Variants in MMP16 observed in about 807,000 individuals in gnomAD.
MMP16 encodes the protein matrix metalloproteinase-16.
MMP16 carries 12 observed loss-of-function variants against 67.8 expected under a neutral mutation model. The observed-to-expected ratio is 0.18, with a 90% CI of 0.11 to 0.29. MMP16 has a LOEUF of 0.29. MMP16 is among the 10% of genes least tolerant of loss of function. The probability of loss-of-function intolerance (pLI) is 1.00; values close to 1 mark genes in which losing one functional copy is unlikely to be tolerated. For synonymous variants in MMP16, 249 were observed against 255.9 expected (o/e 0.97, Z 0.26); for missense variants, 475 against 765.7 (o/e 0.62, Z 4.48).
At chr8:88,298,789 T>C (rs1408426611) in intron 1 of MMP16, among the ~76,000 whole-genome samples, 2 of 152,194 alleles carry the variant, frequency 1.3e-5, no homozygotes, top group East Asian at 3.8e-4. Context: ...ATGTGAATTA[T>C]CTATATTGCT....
At chr8:88,223,707 G>T (rs1809723163) in intron 1 of MMP16, among the ~76,000 whole-genome samples, 1 of 97,734 alleles carries the variant, frequency 1.0e-5, no homozygotes, top group African/African-American at 4.1e-5. Context: ...GGGGGGAGGG[G>T]GGAGGGATAG....
chr8:88,066,840 T>C (rs1808469510), intron 7 of MMP16, among the ~76,000 whole-genome samples: 1 of 152,004 alleles, frequency 6.6e-6, no homozygotes. Context: ...CAAAATGTGA[T>C]ACAAAGAGAA....
intron 6 of MMP16, among the ~76,000 whole-genome samples, chr8:88,082,156 C>T (rs1285078184): frequency 1.3e-5 from 2 of 151,970 alleles, no homozygotes; most frequent in Non-Finnish European, 1.5e-5. Context: ...CAAACGCACA[C>T]GCACACACAG....
At chr8:88,201,589 T>C (rs1423769111) in intron 1 of MMP16, among the ~76,000 whole-genome samples, 1 of 152,158 alleles carries the variant, frequency 6.6e-6, no homozygotes, top group Admixed American at 6.6e-5. Context: ...AATTTTAACA[T>C]ACTAACAAAA....
At chr8:88,187,883 A>G (rs1809099490) in intron 2 of MMP16, among the ~76,000 whole-genome samples, 1 of 152,230 alleles carries the variant, frequency 6.6e-6, no homozygotes, top group South Asian at 2.1e-4. Flanking sequence ...GTTACTTCAG[A>G]AAATAATTCT....
At chr8:88,176,444 A>G (rs373035152) in intron 3 of MMP16, among the ~76,000 whole-genome samples, 28 of 152,320 alleles carry the variant, frequency 1.8e-4, no homozygotes, top group African/African-American at 6.3e-4. Flanking sequence ...ATTAGGGTAC[A>G]CTGCCAACAG....
intron 7 of MMP16, among the ~76,000 whole-genome samples, chr8:88,074,317 G>A (rs1808608983): frequency 6.6e-6 from 1 of 152,064 alleles, no homozygotes; most frequent in Non-Finnish European, 1.5e-5. Flanking sequence ...CAAACCTTTA[G>A]TCAGTGCAGA....
At chr8:88,134,604 A>G (rs1429182076) in intron 4 of MMP16, among the ~76,000 whole-genome samples, 4 of 150,452 alleles carry the variant, frequency 2.7e-5, no homozygotes, top group Admixed American at 6.6e-5. Flanking sequence ...CCATGTATCT[A>G]TCTCCTCTCT....
chr8:88,131,756 G>A (rs1808034715), intron 4 of MMP16, among the ~76,000 whole-genome samples: 1 of 151,748 alleles, frequency 6.6e-6, no homozygotes, highest in Admixed American at 6.6e-5. Flanking sequence ...ATTCTTAATA[G>A]TTCCCCTAAC....
intron 6 of MMP16, among the ~76,000 whole-genome samples, chr8:88,093,791 A>G (rs2118353831): frequency 6.6e-6 from 1 of 151,990 alleles, no homozygotes; most frequent in Non-Finnish European, 1.5e-5. Context: ...CTGTTTCAGG[A>G]GTGTCTGGGT....
chr8:88,238,892 A>C (rs956277010), intron 1 of MMP16, among the ~76,000 whole-genome samples: 8 of 152,140 alleles, frequency 5.3e-5, no homozygotes, highest in Non-Finnish European at 1.0e-4. Flanking sequence ...TGGGAGGCCA[A>C]GGTGGGTGGA....
In MMP16 at chr8:88,195,927, C is replaced by T. The variant is rs149806003; in HGVS notation, c.281+1231G>A. ...GATAAAATAGAAAAATTATGACTAA[C>T]ATCATGTTGCAAACTTAGATGGCAA... On this transcript the variant is annotated intron_variant, in intron 2 of 9. Transcript: ENST00000286614. 5.5e-3 allele frequency among the ~76,000 whole-genome samples: 830 copies of T among 152,198 alleles called. 4 individuals are homozygous for T. The highest frequency in any genetic ancestry group is 0.019 in the African/African-American group (780 of 41,546).
intron 2 of MMP16, among the ~76,000 whole-genome samples, chr8:88,190,460 C>T (rs1809152919): frequency 1.3e-5 from 2 of 152,228 alleles, no homozygotes; most frequent in African/African-American, 2.4e-5. Context: ...AAAGAATGCT[C>T]AGTGTTTAAC....
intron 1 of MMP16, among the ~76,000 whole-genome samples, chr8:88,268,405 T>C (rs1479393709): frequency 6.6e-6 from 1 of 152,120 alleles, no homozygotes; most frequent in Admixed American, 6.6e-5. Flanking sequence ...CATTCGTCTA[T>C]TCAACAAAAT....
intron 4 of MMP16, among the ~76,000 whole-genome samples, chr8:88,127,950 G>A (rs1295378772): frequency 6.6e-6 from 1 of 151,788 alleles, no homozygotes; most frequent in Non-Finnish European, 1.5e-5. Context: ...ATACGAAGCT[G>A]TTATACATAA....
intron 1 of MMP16, among the ~76,000 whole-genome samples, chr8:88,320,949 A>G (rs1039863332): frequency 2.0e-5 from 3 of 152,182 alleles, no homozygotes; most frequent in Admixed American, 2.0e-4. Flanking sequence ...AGAGTGCTAA[A>G]TGACAGGAAA....
chr8:88,048,602 A>G (rs1379625612), intron 8 of MMP16, among the ~76,000 whole-genome samples: 1 of 152,206 alleles, frequency 6.6e-6, no homozygotes, highest in African/African-American at 2.4e-5. Flanking sequence ...AGGACAATGA[A>G]TGATAGGTAG....
chr8:88,256,158 C>G (rs1038874190), intron 1 of MMP16, among the ~76,000 whole-genome samples: 2 of 152,096 alleles, frequency 1.3e-5, no homozygotes, highest in Admixed American at 1.3e-4. Context: ...TAAATACATT[C>G]TAAGCCAAGT....
At chr8:88,318,753 T>C (rs1344559855) in intron 1 of MMP16, among the ~76,000 whole-genome samples, 1 of 152,228 alleles carries the variant, frequency 6.6e-6, no homozygotes, top group Non-Finnish European at 1.5e-5. Context: ...AATGCGTTTA[T>C]ATATGAAACA....
Sources: gnomAD v4.1 joint callset for allele counts (sites outside exome capture counted in the v4.1 genomes callset) on GRCh38, gnomAD v4.1.1 for gene constraint, MANE v1.5 for transcripts, NCBI Gene and HGNC (gene_info 2026-07-23, HGNC 2026-07-21) for gene names.